Variants in GPR89B observed in about 807,000 individuals in gnomAD.
The protein encoded by GPR89B is G protein-coupled receptor 89B.
Under a neutral mutation model 52.4 loss-of-function variants are expected in GPR89B, and 25 were observed. The ratio of observed to expected loss-of-function variants is 0.48; its 90% CI spans 0.35 to 0.67. The LOEUF (loss-of-function observed/expected upper bound fraction) is 0.67. Ranked by LOEUF, GPR89B falls within the 30% of genes least tolerant of loss-of-function variation. The pLI is 0.01. For missense variants in GPR89B, 146 were observed against 450.2 expected (o/e 0.32, Z 6.11); for synonymous variants, 52 against 151.2 (o/e 0.34, Z 4.81).
intron 5 of GPR89B, among the ~76,000 whole-genome samples, chr1:147,950,255 A>G (rs1392669249): frequency 1.4e-5 from 2 of 138,792 alleles, no homozygotes; most frequent in East Asian, 2.3e-4. Flanking sequence ...CCTCCCAGAC[A>G]GGGTCGCGGC....
chr1:147,956,327 A>G (rs1656108487), intron 7 of GPR89B, among the ~76,000 whole-genome samples: 1 of 152,156 alleles, frequency 6.6e-6, no homozygotes, highest in African/African-American at 2.4e-5. Flanking sequence ...ATAAGATAGT[A>G]TGATGCCTCC....
the GPR89B span, among the ~76,000 whole-genome samples, chr1:148,012,507 ACCCC>A: frequency 6.0e-4 from 43 of 72,170 alleles, no homozygotes; most frequent in Middle Eastern, 0.022. Context: ...CCACTCCCCC[ACCCC>A]CGCAGCCCCC....
the GPR89B span, among the ~76,000 whole-genome samples, chr1:147,999,407 G>C: frequency 6.7e-6 from 1 of 148,650 alleles, no homozygotes. Context: ...AGGAGATCGA[G>C]ACCATCCTGG....
chr1:147,947,606 TTAAG>T, intron 5 of GPR89B, among the ~76,000 whole-genome samples: 1 of 151,832 alleles, frequency 6.6e-6, no homozygotes, highest in East Asian at 1.9e-4. Context: ...AATGCTGAGA[TTAAG>T]TAAATAGTAT....
chr1:147,968,786 C>T (rs1229093716), intron 8 of GPR89B, 89 bp from the exon 9 acceptor site: 1 of 1,604,266 alleles, frequency 6.2e-7, no homozygotes, highest in Non-Finnish European at 8.5e-7. Flanking sequence ...CGGGAATCCA[C>T]TGTAGGAAAA....
chr1:147,965,228 C>T (rs1162703783), intron 7 of GPR89B, among the ~76,000 whole-genome samples: 1 of 151,800 alleles, frequency 6.6e-6, no homozygotes, highest in Non-Finnish European at 1.5e-5. Flanking sequence ...GGCTGACATT[C>T]TTTCCTGTTA....
chr1:147,933,346 A>G (rs1337422457), intron 1 of GPR89B, among the ~76,000 whole-genome samples: 4 of 151,736 alleles, frequency 2.6e-5, no homozygotes, highest in African/African-American at 9.7e-5. Flanking sequence ...TCACCATTCA[A>G]AATTGTTTTC....
chr1:148,011,678 A>G, the GPR89B span: 2 of 152,176 alleles, frequency 1.3e-5, no homozygotes, highest in South Asian at 4.1e-4. Context: ...GTATGCCCAG[A>G]CACCCTGAAC....
Position 147,929,523 on chromosome 1 carries a change from C to T in GPR89B, c.42+945C>T, listed in dbSNP as rs6664180. Among the ~76,000 whole-genome samples the T allele has an allele frequency of 3.1e-3, 476 of 152,308 alleles. 3 individuals carry two copies. Among genetic ancestry groups the T allele is most frequent in the Non-Finnish European group, 4.6e-3 (311 of 68,036 alleles). ...CAGACTGCCTGTTGACCTTCTTCCC[C>T]TCATCTTTCCAATAAAGATTTTGTG... On this transcript the variant is annotated intron_variant, in intron 1 of 13. Transcript: ENST00000314163.
At chr1:147,973,662 CTT>C (rs1240353797) in intron 10 of GPR89B, among the ~76,000 whole-genome samples, 2 of 151,096 alleles carry the variant, frequency 1.3e-5, no homozygotes, top group Admixed American at 6.6e-5. Context: ...TGCAGAAGCT[CTT>C]TAGTTTAATT....
chr1:147,982,001 A>G lies in GPR89B; in HGVS notation c.910-4198A>G, dbSNP rs1467433145. On this transcript the variant is annotated intron_variant, in intron 10 of 13. Coordinates refer to ENST00000314163, the MANE Select transcript of GPR89B (RefSeq NM_016334.5). ...ATATGTTTTAATTTCTCTTATGTGT[A>G]TATCTAGGGGTAGAATTGCTGTGTC... 1.3e-4 allele frequency among the ~76,000 whole-genome samples: 20 copies of G among 151,872 alleles called. No homozygotes were observed. In the East Asian group the frequency reaches 3.1e-3, roughly 24 times the overall value.
chr1:147,949,556 G>T (rs1205872192), intron 5 of GPR89B, among the ~76,000 whole-genome samples: 1 of 132,664 alleles, frequency 7.5e-6, no homozygotes, highest in Admixed American at 7.0e-5. Flanking sequence ...CGGACGGGGC[G>T]GCTGGCCGGG....
chr1:147,985,107 G>T (rs1658569230), intron 10 of GPR89B, among the ~76,000 whole-genome samples: 1 of 152,162 alleles, frequency 6.6e-6, no homozygotes, highest in South Asian at 2.1e-4. Context: ...TTTTATTTCT[G>T]TCAGTTTTGC....
chr1:147,998,593 A>AT, the GPR89B span, among the ~76,000 whole-genome samples: 1,105 of 152,186 alleles, frequency 7.3e-3, 14 homozygotes, highest in African/African-American at 0.024. Context: ...AACACTTGAG[A>AT]TTTTGGCCGG....
At chr1:147,943,207 CTTATT>C (rs1348905887) in intron 3 of GPR89B, among the ~76,000 whole-genome samples, 1 of 151,272 alleles carries the variant, frequency 6.6e-6, no homozygotes, top group African/African-American at 2.4e-5. Flanking sequence ...CATAAACATT[CTTATT>C]TTAATATATG....
intron 8 of GPR89B, chr1:147,968,382 C>T (rs1336379228): frequency 1.1e-5 from 5 of 453,624 alleles, no homozygotes; most frequent in South Asian, 1.6e-5. Context: ...TAAGACAATC[C>T]CATGAAGATA....
At chr1:148,024,634 T>C in the GPR89B span, 1 of 140,688 alleles carries the variant, frequency 7.1e-6, no homozygotes, top group Non-Finnish European at 1.5e-5. Context: ...TTGCCCCAGC[T>C]ATGGCTCAGA....
chr1:147,947,905 T>A (rs587607685), intron 5 of GPR89B, among the ~76,000 whole-genome samples: 4 of 151,980 alleles, frequency 2.6e-5, no homozygotes, highest in South Asian at 2.1e-4. Flanking sequence ...ATAACAGAAT[T>A]TAGGTGAGGA....
At chr1:147,971,464 C>CTTTTTTTTTTTTTTTTT (rs1196935183) in intron 10 of GPR89B, among the ~76,000 whole-genome samples, 2 of 70,240 alleles carry the variant, frequency 2.8e-5, no homozygotes, top group Non-Finnish European at 5.0e-5. Flanking sequence ...GGAAGCATGT[C>CTTTTTTTTTTTTTTTTT]TTTTTTTTTT....
Sources: allele counts gnomAD v4.1 joint callset (sites outside exome capture counted in the v4.1 genomes callset), GRCh38; gene constraint gnomAD v4.1.1; transcripts MANE v1.5; gene names NCBI Gene and HGNC (gene_info 2026-07-23, HGNC 2026-07-21).